KCTD8: variants seen among roughly 807,000 people sequenced by gnomAD.
KCTD8 encodes BTB/POZ domain-containing protein KCTD8.
Under a neutral mutation model 31.5 loss-of-function variants are expected in KCTD8, and 27 were observed. The observed-to-expected ratio is 0.86, with a 90% CI of 0.63 to 1.18. KCTD8 has a LOEUF of 1.18. KCTD8 is among the 50% of genes most tolerant of loss of function. KCTD8 has a pLI of 0.00. For missense variants in KCTD8, 658 were observed against 647.7 expected (o/e 1.02, Z -0.17); for synonymous variants, 290 against 280.0 (o/e 1.04, Z -0.36).
At chr4:44,313,397 G>A (rs1178318330) in intron 1 of KCTD8, among the ~76,000 whole-genome samples, 2 of 152,206 alleles carry the variant, frequency 1.3e-5, no homozygotes, top group Non-Finnish European at 2.9e-5. Flanking sequence ...CCTAAAGTAG[G>A]TGAATCACTT....
At chr4:44,241,032 T>A (rs1187046509) in intron 1 of KCTD8, among the ~76,000 whole-genome samples, 1 of 152,200 alleles carries the variant, frequency 6.6e-6, no homozygotes, top group Non-Finnish European at 1.5e-5. Flanking sequence ...ATAACTCCCA[T>A]GATACCAATT....
In KCTD8 at chr4:44,227,721, A is replaced by G. The variant is rs534366060; in HGVS notation, c.962-52471T>C. 4.6e-5 allele frequency among the ~76,000 whole-genome samples: 7 copies of G among 152,362 alleles called. No homozygotes were observed. In the East Asian group the frequency reaches 1.4e-3, roughly 29 times the overall value. ...GTCAAATAGCACAATTTTGGTATAA[A>G]CATATTAAACCAGAGCCTAAGAGGC... On this transcript the variant is annotated intron_variant, in intron 1 of 1. Coordinates refer to ENST00000360029, the MANE Select transcript of KCTD8 (RefSeq NM_198353.3).
chr4:44,256,512 G>A (rs1012151385), intron 1 of KCTD8, among the ~76,000 whole-genome samples: 2 of 151,932 alleles, frequency 1.3e-5, no homozygotes, highest in African/African-American at 4.8e-5. Flanking sequence ...ACCAGTTGAT[G>A]AGGATATGGA....
At chr4:44,267,961 G>C (rs1259020065) in intron 1 of KCTD8, among the ~76,000 whole-genome samples, 1 of 152,110 alleles carries the variant, frequency 6.6e-6, no homozygotes, top group Non-Finnish European at 1.5e-5. Context: ...TTCCACCAGA[G>C]GTACAAGGAG....
chr4:44,317,398 C>G (rs1026466965), intron 1 of KCTD8, among the ~76,000 whole-genome samples: 1 of 143,538 alleles, frequency 7.0e-6, no homozygotes, highest in African/African-American at 2.8e-5. Context: ...CGCCACCGCA[C>G]CCGGCTAATT....
chr4:44,197,777 A>T (rs1296421689), intron 1 of KCTD8, among the ~76,000 whole-genome samples: 2 of 152,194 alleles, frequency 1.3e-5, no homozygotes, highest in Admixed American at 6.5e-5. Flanking sequence ...CCTCCAAAGG[A>T]ACACACTATT....
At position 44,410,517 on chromosome 4, in the gene KCTD8, G is replaced by A. The variant is rs190569342; in HGVS notation, c.961+37046C>T. Among the ~76,000 whole-genome samples, 7 of 152,206 alleles carry A rather than the reference G, an allele frequency of 4.6e-5. No homozygotes were observed. The East Asian group carries it at 5.8e-4, about 13-fold the overall frequency. On this transcript the variant is annotated intron_variant, in intron 1 of 1. Coordinates refer to ENST00000360029, the MANE Select transcript of KCTD8 (RefSeq NM_198353.3). ...TCCCAAATTCTTAATGAAAAGGGAC[G>A]AGGTTATGGGTATTAGTTTGTTTTA...
At chr4:44,426,194 A>C (rs1284575725) in intron 1 of KCTD8, among the ~76,000 whole-genome samples, 1 of 151,844 alleles carries the variant, frequency 6.6e-6, no homozygotes, top group Non-Finnish European at 1.5e-5. Context: ...AGAAAGAAAA[A>C]GGGTTAGAAA....
chr4:44,267,971 G>A (rs1716443635), intron 1 of KCTD8, among the ~76,000 whole-genome samples: 1 of 152,140 alleles, frequency 6.6e-6, no homozygotes, highest in Non-Finnish European at 1.5e-5. Flanking sequence ...GGTACAAGGA[G>A]GAACTGGTAC....
intron 1 of KCTD8, among the ~76,000 whole-genome samples, chr4:44,374,886 G>T (rs1347736075): frequency 6.6e-6 from 1 of 152,102 alleles, no homozygotes; most frequent in African/African-American, 2.4e-5. Flanking sequence ...TAAATATTGT[G>T]AGAATTGCCA....
rs182191474 is a variant in KCTD8, at chr4:44,209,150, A to C, written c.962-33900T>G. ...AGCAGTAATATTTAATGATCTGTTA[A>C]AATGGGGTTTTCTGAAGGGATTTTT... On this transcript the variant is annotated intron_variant, in intron 1 of 1. Coordinates refer to ENST00000360029, the MANE Select transcript of KCTD8 (RefSeq NM_198353.3). 1.3e-5 allele frequency among the ~76,000 whole-genome samples: 2 copies of C among 152,238 alleles called. 1 individual carries two copies. Among genetic ancestry groups the C allele is most frequent in the African/African-American group, 4.8e-5 (2 of 41,544 alleles).
chr4:44,334,963 A>C (rs941158964), intron 1 of KCTD8, among the ~76,000 whole-genome samples: 2 of 152,144 alleles, frequency 1.3e-5, no homozygotes, highest in African/African-American at 4.8e-5. Flanking sequence ...AATTCACACA[A>C]TGACGAAATT....
At chr4:44,340,676 G>A (rs1266892784) in intron 1 of KCTD8, among the ~76,000 whole-genome samples, 2 of 151,976 alleles carry the variant, frequency 1.3e-5, no homozygotes, top group Non-Finnish European at 2.9e-5. Flanking sequence ...GAATACTACT[G>A]AGCAATAATA....
chr4:44,219,838 T>C (rs1320521016), intron 1 of KCTD8, among the ~76,000 whole-genome samples: 3 of 152,214 alleles, frequency 2.0e-5, no homozygotes. Context: ...ATTCTAACTG[T>C]TCCAATGACT....
chr4:44,295,207 G>A (rs2109387984), intron 1 of KCTD8, among the ~76,000 whole-genome samples: 1 of 152,246 alleles, frequency 6.6e-6, no homozygotes, highest in African/African-American at 2.4e-5. Flanking sequence ...GAGGTGGGAG[G>A]ATTGCTTGAG....
intron 1 of KCTD8, among the ~76,000 whole-genome samples, chr4:44,372,990 A>C (rs532382438): frequency 6.6e-6 from 1 of 152,292 alleles, no homozygotes; most frequent in African/African-American, 2.4e-5. Context: ...AGAATTATGC[A>C]TCTGTGGCTA....
intron 1 of KCTD8, among the ~76,000 whole-genome samples, chr4:44,301,791 C>T (rs1471551822): frequency 6.6e-6 from 1 of 152,110 alleles, no homozygotes; most frequent in Admixed American, 6.6e-5. Context: ...AAGTCCTTGC[C>T]CATGCCTATG....
At chr4:44,377,095 C>T (rs1719935381) in intron 1 of KCTD8, among the ~76,000 whole-genome samples, 1 of 152,178 alleles carries the variant, frequency 6.6e-6, no homozygotes, top group African/African-American at 2.4e-5. Flanking sequence ...AAATTATGCT[C>T]TAGCCTCCTC....
intron 1 of KCTD8, among the ~76,000 whole-genome samples, chr4:44,346,798 T>G (rs143573499): frequency 2.0e-4 from 31 of 152,272 alleles, no homozygotes; most frequent in Admixed American, 6.5e-4. Flanking sequence ...ATGTTTTAGT[T>G]AAAGGAAATA....
Sources: gnomAD v4.1 joint callset for allele counts (sites outside exome capture counted in the v4.1 genomes callset) on GRCh38, gnomAD v4.1.1 for gene constraint, MANE v1.5 for transcripts, NCBI Gene and HGNC (gene_info 2026-07-23, HGNC 2026-07-21) for gene names.